FOXO1: variants seen among roughly 807,000 people sequenced by gnomAD.
FOXO1 encodes the protein forkhead box protein O1.
Under a neutral mutation model 44.1 loss-of-function variants are expected in FOXO1, and 6 were observed. The ratio of observed to expected loss-of-function variants is 0.14; its 90% confidence interval spans 0.07 to 0.27. The LOEUF (loss-of-function observed/expected upper bound fraction) is 0.27. Among genes scored for constraint, FOXO1 ranks in the 10% least tolerant of loss-of-function variants. The pLI, the probability that FOXO1 is intolerant of heterozygous loss-of-function variation, is 1.00. For missense variants in FOXO1, 737 were observed against 888.8 expected (o/e 0.83, Z 2.17); for synonymous variants, 380 against 362.7 (o/e 1.05, Z -0.54).
intron 1 of FOXO1, among the ~76,000 whole-genome samples, chr13:40,598,136 A>G (rs1368024424): frequency 6.6e-6 from 1 of 152,202 alleles, no homozygotes; most frequent in Non-Finnish European, 1.5e-5. Context: ...GGAACAAGCG[A>G]ATGAAAGAGG....
chr13:40,583,904 C>G (rs1409625585), intron 1 of FOXO1, among the ~76,000 whole-genome samples: 1 of 152,216 alleles, frequency 6.6e-6, no homozygotes, highest in Non-Finnish European at 1.5e-5. Flanking sequence ...ACAATCTGGG[C>G]TTTATACATG....
intron 1 of FOXO1, among the ~76,000 whole-genome samples, chr13:40,611,716 G>A (rs565445828): frequency 6.6e-6 from 1 of 152,102 alleles, no homozygotes; most frequent in African/African-American, 2.4e-5. Context: ...ACTCTCTCAC[G>A]AGCCCTGTTA....
chr13:40,568,579 C>T (rs573424021), intron 1 of FOXO1, among the ~76,000 whole-genome samples: 10 of 152,164 alleles, frequency 6.6e-5, no homozygotes, highest in Non-Finnish European at 1.0e-4. Context: ...TGTCAGTAGA[C>T]ACACGTTAGC....
intron 1 of FOXO1, chr13:40,619,897 G>A (rs772149056): frequency 8.5e-6 from 6 of 709,208 alleles, no homozygotes; most frequent in African/African-American, 1.7e-5. Flanking sequence ...GGAAAATGGG[G>A]CTAGATATAA....
chr13:40,608,021 T>C (rs957982717), intron 1 of FOXO1, among the ~76,000 whole-genome samples: 3 of 129,630 alleles, frequency 2.3e-5, no homozygotes, highest in African/African-American at 6.0e-5. Flanking sequence ...TCATGGTGTG[T>C]TACATTCGGT....
At chr13:40,646,799 G>A (rs372590874) in intron 1 of FOXO1, among the ~76,000 whole-genome samples, 37 of 151,982 alleles carry the variant, frequency 2.4e-4, no homozygotes, top group African/African-American at 8.4e-4. Context: ...TCACCATGTC[G>A]GCCAGGGTGG....
At chr13:40,616,063 G>T (rs1295435832) in intron 1 of FOXO1, among the ~76,000 whole-genome samples, 4 of 152,196 alleles carry the variant, frequency 2.6e-5, no homozygotes, top group African/African-American at 9.7e-5. Context: ...GAAGTGGAAG[G>T]GGTAAGAAGT....
At chr13:40,602,997 T>G (rs1485873704) in intron 1 of FOXO1, among the ~76,000 whole-genome samples, 1 of 152,142 alleles carries the variant, frequency 6.6e-6, no homozygotes, top group African/African-American at 2.4e-5. Context: ...CCACACATGC[T>G]CTGCTCATAC....
At chr13:40,591,262 A>G (rs143530099) in intron 1 of FOXO1, among the ~76,000 whole-genome samples, 4 of 152,332 alleles carry the variant, frequency 2.6e-5, no homozygotes, top group Middle Eastern at 6.8e-3. Context: ...GCTTGCTGCT[A>G]CTGCTAGGAG....
intron 1 of FOXO1, among the ~76,000 whole-genome samples, chr13:40,597,956 G>T (rs537087799): frequency 6.6e-6 from 1 of 152,180 alleles, no homozygotes; most frequent in African/African-American, 2.4e-5. Flanking sequence ...TTATGGTGGC[G>T]GGCGGTGCTC....
At chr13:40,628,413 C>T (rs763182464) in intron 1 of FOXO1, among the ~76,000 whole-genome samples, 25 of 151,250 alleles carry the variant, frequency 1.7e-4, no homozygotes, top group Non-Finnish European at 3.4e-4. Context: ...TCAGTCTTCC[C>T]GGGCACTCTC....
intron 1 of FOXO1, among the ~76,000 whole-genome samples, chr13:40,656,181 T>C (rs1877853992): frequency 6.6e-6 from 1 of 152,220 alleles, no homozygotes; most frequent in Non-Finnish European, 1.5e-5. Flanking sequence ...AAATATCCCA[T>C]TATAATCTTC....
intron 1 of FOXO1, among the ~76,000 whole-genome samples, chr13:40,590,385 C>T (rs1026264577): frequency 2.0e-5 from 3 of 152,212 alleles, no homozygotes; most frequent in African/African-American, 7.2e-5. Flanking sequence ...TCTCTTCTTA[C>T]ATAAAGACTC....
intron 1 of FOXO1, among the ~76,000 whole-genome samples, chr13:40,656,508 T>G (rs1877864446): frequency 6.6e-6 from 1 of 152,240 alleles, no homozygotes; most frequent in Admixed American, 6.5e-5. Context: ...CTAAATACAT[T>G]GTAAATGCCA....
At chr13:40,657,322 T>TC (rs1418747740) in intron 1 of FOXO1, among the ~76,000 whole-genome samples, 1 of 149,158 alleles carries the variant, frequency 6.7e-6, no homozygotes, top group Non-Finnish European at 1.5e-5. Flanking sequence ...TTTTTTTCTT[T>TC]TTTTTTTTTT....
At chr13:40,589,085 G>A (rs749418510) in intron 1 of FOXO1, among the ~76,000 whole-genome samples, 3 of 152,090 alleles carry the variant, frequency 2.0e-5, no homozygotes, top group Non-Finnish European at 2.9e-5. Context: ...CAGCCTGGGC[G>A]ACAGAGCGAG....
At chr13:40,617,970 C>CCTGATGCCT (rs1297431650) in intron 1 of FOXO1, among the ~76,000 whole-genome samples, 2 of 152,204 alleles carry the variant, frequency 1.3e-5, no homozygotes, top group Non-Finnish European at 2.9e-5. Flanking sequence ...ATACCTCAGG[C>CCTGATGCCT]CTGATGCATT....
intron 1 of FOXO1, chr13:40,619,425 T>A (rs1300894261): frequency 3.9e-6 from 4 of 1,028,278 alleles, no homozygotes; most frequent in Non-Finnish European, 6.0e-6. Context: ...CAACTCAAAG[T>A]GGACAAAATG....
chr13:40,627,491 T>A (rs765905800), intron 1 of FOXO1, among the ~76,000 whole-genome samples: 2 of 152,184 alleles, frequency 1.3e-5, no homozygotes, highest in Admixed American at 6.5e-5. Flanking sequence ...AGGAGATTAT[T>A]AGGAGACTGA....
Sources: allele counts gnomAD v4.1 joint callset (sites outside exome capture counted in the v4.1 genomes callset), GRCh38; gene constraint gnomAD v4.1.1; transcripts MANE v1.5; gene names NCBI Gene and HGNC (gene_info 2026-07-23, HGNC 2026-07-21).